Variants in SUN3 observed in about 807,000 individuals in gnomAD.
The protein encoded by SUN3 is Sad1 and UNC84 domain containing 3, also known as SUN domain-containing protein 3.
A neutral mutation model predicts 48.2 loss-of-function variants in SUN3; 36 were observed. The observed-to-expected ratio is 0.75, with a 90% CI of 0.57 to 0.99. The LOEUF is 0.99. Among genes scored for constraint, SUN3 ranks in the 50% least tolerant of loss-of-function variants. The probability of loss-of-function intolerance (pLI) is 0.00; values close to 1 mark genes in which losing one functional copy is unlikely to be tolerated. For missense variants in SUN3, 419 were observed against 433.1 expected (o/e 0.97, Z 0.29); for synonymous variants, 148 against 147.9 (o/e 1.00, Z 0.00).
upstream of SUN3, among the ~76,000 whole-genome samples, chr7:48,031,171 G>A (rs1025676907): frequency 2.0e-5 from 3 of 152,142 alleles, no homozygotes; most frequent in African/African-American, 7.2e-5. Context: ...GCACAGCAAA[G>A]GAACTTAATA....
At chr7:47,990,280 A>G (rs1363898503) in intron 8 of SUN3, among the ~76,000 whole-genome samples, 1 of 152,214 alleles carries the variant, frequency 6.6e-6, no homozygotes, top group Non-Finnish European at 1.5e-5. Context: ...GCTGGCAGCA[A>G]TATTGCTCTT....
intron 6 of SUN3, among the ~76,000 whole-genome samples, chr7:47,997,386 C>T (rs574163331): frequency 3.9e-4 from 60 of 152,176 alleles, no homozygotes; most frequent in African/African-American, 1.2e-3. Context: ...TCTGACTGCC[C>T]GCTCACTATT....
chr7:48,025,816 T>C, intron 2 of SUN3, 61 bp downstream of exon 2: 2 of 1,174,780 alleles, frequency 1.7e-6, no homozygotes, highest in Non-Finnish European at 1.3e-6. Flanking sequence ...TTGAGATCTC[T>C]CTCACCAGGC....
intron 8 of SUN3, among the ~76,000 whole-genome samples, chr7:47,989,308 G>A (rs1788988280): frequency 6.6e-6 from 1 of 152,182 alleles, no homozygotes; most frequent in African/African-American, 2.4e-5. Flanking sequence ...CTGAACTGAT[G>A]TTTACCAAAA....
intron 8 of SUN3, among the ~76,000 whole-genome samples, chr7:47,991,251 A>G (rs979603564): frequency 2.0e-5 from 3 of 151,396 alleles, no homozygotes; most frequent in Non-Finnish European, 4.4e-5. Flanking sequence ...CTTGGTTCAT[A>G]AATTCTTTAA....
At chr7:47,989,975 GCAGGGACCTCTGTCTAGGAAAGCCA>G (rs1789006485) in intron 8 of SUN3, among the ~76,000 whole-genome samples, 2 of 152,172 alleles carry the variant, frequency 1.3e-5, no homozygotes, top group Admixed American at 6.5e-5. Flanking sequence ...GCGGAAGGCC[GCAGGGACCTCTGTCTAGGAAAGCCA>G]GGTATTGTCC....
chr7:47,996,608 CAAAG>C (rs918250653), intron 6 of SUN3, among the ~76,000 whole-genome samples: 83 of 152,194 alleles, frequency 5.5e-4, no homozygotes, highest in African/African-American at 1.9e-3. Flanking sequence ...CTATTTTAAT[CAAAG>C]AAATATGAAA....
At chr7:47,988,470 G>T (rs1338056616) in intron 9 of SUN3, among the ~76,000 whole-genome samples, 1 of 152,098 alleles carries the variant, frequency 6.6e-6, no homozygotes, top group Non-Finnish European at 1.5e-5. Flanking sequence ...CTCAAGCAAG[G>T]TGAGGTAGTA....
Position 47,991,393 on chromosome 7 carries a change from T to C in SUN3, c.862-2513A>G, listed in dbSNP as rs148137990. Reference sequence around the variant, plus strand: ...GAACTTAGCTGCTCAAACTCAACTTTTCAGAGACACCACTTGCAGGTGGTG... The same window carrying C: ...GAACTTAGCTGCTCAAACTCAACTTCTCAGAGACACCACTTGCAGGTGGTG... On this transcript the variant is annotated intron_variant, in intron 8 of 9. Coordinates refer to ENST00000297325, the MANE Select transcript of SUN3 (RefSeq NM_001030019.2). 2.4e-3 allele frequency among the ~76,000 whole-genome samples: 358 copies of C among 152,300 alleles called. 1 individual carries two copies. The highest frequency in any genetic ancestry group is 8.1e-3 in the African/African-American group (336 of 41,554).
chr7:48,035,727 G>A, the SUN3 span: 7 of 588,282 alleles, frequency 1.2e-5, no homozygotes, highest in East Asian at 6.0e-5. The surrounding 1 kb of genome is among the most constrained non-coding windows in gnomAD (Gnocchi z 4.0). Flanking sequence ...TGCGCGCCGG[G>A]GCTGGAGGGA....
At chr7:47,999,471 C>T (rs1298732373) in intron 6 of SUN3, among the ~76,000 whole-genome samples, 2 of 152,016 alleles carry the variant, frequency 1.3e-5, no homozygotes, top group Non-Finnish European at 2.9e-5. Context: ...CTCTCTTTCT[C>T]TCCCAGTTTT....
At chr7:48,024,665 A>G (rs76133912) in intron 2 of SUN3, among the ~76,000 whole-genome samples, 4,479 of 152,256 alleles carry the variant, frequency 0.029, 223 homozygotes, top group African/African-American at 0.1. Flanking sequence ...AGCATCTACA[A>G]CTGGTGAGGG....
At chr7:48,026,878 A>C (rs1052079318) in intron 1 of SUN3, among the ~76,000 whole-genome samples, 3 of 152,032 alleles carry the variant, frequency 2.0e-5, no homozygotes, top group African/African-American at 7.3e-5. Flanking sequence ...CAGCCTCCAA[A>C]ACTGTTAAAA....
chr7:47,991,948 C>T (rs1307319787), intron 8 of SUN3, among the ~76,000 whole-genome samples: 2 of 152,182 alleles, frequency 1.3e-5, no homozygotes, highest in African/African-American at 4.8e-5. Flanking sequence ...CCACTGCCGG[C>T]GCCGCCCCAG....
intron 2 of SUN3, among the ~76,000 whole-genome samples, chr7:48,023,097 G>C (rs955069763): frequency 9.2e-5 from 14 of 152,124 alleles, no homozygotes; most frequent in Admixed American, 5.2e-4. Context: ...GTAACAGAGA[G>C]GTAAATATGA....
intron 2 of SUN3, among the ~76,000 whole-genome samples, chr7:48,017,599 A>C (rs781164097): frequency 6.6e-6 from 1 of 152,204 alleles, no homozygotes; most frequent in Non-Finnish European, 1.5e-5. Context: ...GAACTCTGGA[A>C]TCTAATCCAA....
At chr7:48,034,363 A>G in the SUN3 span, among the ~76,000 whole-genome samples, 1 of 152,188 alleles carries the variant, frequency 6.6e-6, no homozygotes, top group South Asian at 2.1e-4. Context: ...CTAGATTTCT[A>G]AGGCTATACT....
intron 2 of SUN3, 79 bp from the exon 3 acceptor site, chr7:48,017,444 C>T (rs1052234187): frequency 7.5e-6 from 6 of 799,438 alleles, no homozygotes. Flanking sequence ...ATAAGAATTT[C>T]CCTAAACATG....
At chr7:47,992,477 T>C (rs1297626868) in intron 8 of SUN3, among the ~76,000 whole-genome samples, 2 of 151,932 alleles carry the variant, frequency 1.3e-5, no homozygotes, top group Non-Finnish European at 2.9e-5. Flanking sequence ...GGAATGAAAA[T>C]TTCCGTAGAG....
Sources: gnomAD v4.1 joint callset for allele counts (sites outside exome capture counted in the v4.1 genomes callset) on GRCh38, gnomAD v4.1.1 for gene constraint, Gnocchi (gnomAD v3.1) non-coding constraint, MANE v1.5 for transcripts, NCBI Gene and HGNC (gene_info 2026-07-23, HGNC 2026-07-21) for gene names.